The following GATA3 variants were observed in gnomAD, a reference collection of about 807,000 sequenced individuals.
GATA3 encodes the protein GATA binding protein 3.
A neutral mutation model predicts 36.0 loss-of-function variants in GATA3; 6 were observed. The ratio of observed to expected loss-of-function variants is 0.17; its 90% confidence interval spans 0.09 to 0.33. The LOEUF (loss-of-function observed/expected upper bound fraction) is 0.33. GATA3 is among the 10% of genes least tolerant of loss of function. The pLI is 1.00. For synonymous variants in GATA3, 326 were observed against 273.0 expected, an observed-to-expected ratio of 1.19 and a Z score of -1.92; for missense variants, 514 against 610.1, an observed-to-expected ratio of 0.84 and a Z score of 1.66.
At chr10:8,057,899 G>C (rs1832667432) in intron 2 of GATA3, among the ~76,000 whole-genome samples, 1 of 152,146 alleles carries the variant, frequency 6.6e-6, no homozygotes, top group Non-Finnish European at 1.5e-5. Context: ...TCCGAGTCAG[G>C]GAACTCAGGG....
intron 3 of GATA3, among the ~76,000 whole-genome samples, chr10:8,062,377 T>A (rs3824661): frequency 0.57 from 83,139 of 145,580 alleles, 23,617 homozygotes; most frequent in South Asian, 0.68. Flanking sequence ...TTTTTTTTTT[T>A]AAAAAACAAA....
chr10:8,048,069 C>T (rs1832414141), intron 1 of GATA3, among the ~76,000 whole-genome samples: 1 of 152,172 alleles, frequency 6.6e-6, no homozygotes, highest in Non-Finnish European at 1.5e-5. Context: ...CCAGAGTGTC[C>T]CGCTACAATC....
upstream of GATA3, among the ~76,000 whole-genome samples, chr10:8,050,298 C>T (rs1832450936): frequency 6.6e-6 from 1 of 152,234 alleles, no homozygotes; most frequent in South Asian, 2.1e-4. Context: ...CAATTAAAGG[C>T]CCCGCCGGGC....
At chr10:8,050,933 C>A (rs1223194804), upstream of GATA3, 1 of 469,592 alleles carries the variant, frequency 2.1e-6, no homozygotes, top group Admixed American at 2.4e-5. Flanking sequence ...CGCCCGGGGC[C>A]GCTTCTCCCG....
intron 5 of GATA3, among the ~76,000 whole-genome samples, chr10:8,069,854 C>T (rs551605326): frequency 1.7e-4 from 26 of 151,952 alleles, no homozygotes; most frequent in Middle Eastern, 3.4e-3. Flanking sequence ...TGCAGCAATC[C>T]GATGTGCTGA....
At chr10:8,063,495 G>T (rs116543278) in intron 3 of GATA3, among the ~76,000 whole-genome samples, 32 of 152,280 alleles carry the variant, frequency 2.1e-4, no homozygotes, top group African/African-American at 7.2e-4. Flanking sequence ...TCTAGCCATT[G>T]ATGAATCCTT....
chr10:8,056,040 C>A, intron 2 of GATA3, 144 bp downstream of exon 2: 4 of 1,158,012 alleles, frequency 3.5e-6, no homozygotes, highest in Non-Finnish European at 4.9e-6. Flanking sequence ...AAAATTGGGG[C>A]CCGGAAATGG....
Position 8,073,860 on chromosome 10 carries a change from C to T in GATA3, c.1172C>T (p.Ser391Leu), listed in dbSNP as rs1414155299. The T allele has an allele frequency of 4.3e-6, 7 of 1,614,156 alleles. No homozygotes were observed. Among genetic ancestry groups the T allele is most frequent in the Admixed American group, 1.7e-5 (1 of 60,016 alleles). ...CTGGAGGACTTCCCCAAGAACAGCTCGTTTAACCCGGCCGCCCTCTCCAGA... is the reference window on the plus strand; with the variant it reads ...CTGGAGGACTTCCCCAAGAACAGCTTGTTTAACCCGGCCGCCCTCTCCAGA... ...DSLEDFPKNS[S>L]FNPAALSRHM... Residue 391 changes from serine (S) to leucine (L), a missense_variant, in exon 6 of 6, where the codon TCG becomes TTG. Coordinates refer to ENST00000379328, the MANE Select transcript of GATA3 (RefSeq NM_001002295.2).
chr10:8,058,610 T>C lies in GATA3; in HGVS notation c.547T>C (p.Cys183Arg). 6.2e-7 allele frequency: 1 copy of C among 1,605,886 alleles called. No homozygotes were observed. Among genetic ancestry groups the C allele is most frequent in the Non-Finnish European group, 8.5e-7 (1 of 1,178,904 alleles). Residue 183 changes from cysteine to arginine, a missense_variant, in exon 3 of 6, where the codon TGC becomes CGC. Physicochemically the swap from Cys to Arg is radical, Grantham distance 180. This residue lies in a region of GATA3 where 381 missense variants were observed against 354.3 expected (regional missense o/e 1.08). Transcript: ENST00000379328. ...AGSARQDEKE[C>R]LKYQVPLPDS... ...CTCGGCCCGGCAGGACGAGAAAGAG[T>C]GCCTCAAGTACCAGGTGCCCCTGCC...
chr10:8,055,619 C>G lies in GATA3; in HGVS notation c.-37C>G. 6.5e-7 allele frequency: 1 copy of G among 1,540,562 alleles called. No individual in the cohort carries two copies. On this transcript the variant is annotated 5_prime_UTR_variant, in exon 2 of 6. Transcript: ENST00000379328. The surrounding 1 kb of genome is among the most constrained non-coding windows in gnomAD (Gnocchi z 5.4). ...CGCCCTCCCTCCCCGCGCGCGGGTT[C>G]CGGGCCCGGCGAGAGGGCGCGAGCA...
At chr10:8,046,813 TA>T (rs1239229576) in intron 1 of GATA3, among the ~76,000 whole-genome samples, 1 of 151,954 alleles carries the variant, frequency 6.6e-6, no homozygotes, top group Non-Finnish European at 1.5e-5. Flanking sequence ...TCGGGTCGCA[TA>T]GGGGGTCTGA....
chr10:8,055,842 T>A lies in GATA3; in HGVS notation c.187T>A (p.Tyr63Asn). Residue 63 changes from tyrosine (Y) to asparagine (N), a missense_variant, in exon 2 of 6, where the codon TAC becomes AAC. Tyr to Asn is a moderately radical substitution (Grantham distance 143, BLOSUM62 -2). This residue lies in a region of GATA3 where 381 missense variants were observed against 354.3 expected (regional missense o/e 1.08). Transcript: ENST00000379328. The surrounding 1 kb of genome is among the most constrained non-coding windows in gnomAD (Gnocchi z 5.4). ...CGGTCAAGGCAACCACGTCCCGCCC[T>A]ACTACGGAAACTCGGTCAGGGCCAC... The part of the protein sequence containing the change: ...IDGQGNHVPP[Y>N]YGNSVRATVQ... 1 of 1,583,394 alleles carries A rather than the reference T, an allele frequency of 6.3e-7. No individual in the cohort carries two copies. Among genetic ancestry groups the A allele is most frequent in the Non-Finnish European group, 8.6e-7 (1 of 1,164,562 alleles).
At chr10:8,062,876 A>C (rs968986481) in intron 3 of GATA3, among the ~76,000 whole-genome samples, 1 of 152,112 alleles carries the variant, frequency 6.6e-6, no homozygotes, top group Non-Finnish European at 1.5e-5. Context: ...TGGGTCCCCC[A>C]AAACCAAGGA....
chr10:8,055,623 G>T lies in GATA3; in HGVS notation c.-33G>T, dbSNP rs1832617580. On this transcript the variant is annotated 5_prime_UTR_variant, in exon 2 of 6. Coordinates refer to ENST00000379328, the MANE Select transcript of GATA3 (RefSeq NM_001002295.2). The surrounding 1 kb of genome is among the most constrained non-coding windows in gnomAD (Gnocchi z 5.4). ...CTCCCTCCCCGCGCGCGGGTTCCGG[G>T]CCCGGCGAGAGGGCGCGAGCACAGC... is the stretch of plus-strand genomic sequence containing the variant. 2 of 1,542,088 alleles carry T rather than the reference G, an allele frequency of 1.3e-6. No homozygotes were observed. Among genetic ancestry groups the T allele is most frequent in the South Asian group, 2.4e-5 (2 of 83,928 alleles).
intron 5 of GATA3, 150 bp from the exon 6 acceptor site, chr10:8,073,589 G>A: frequency 1.3e-6 from 1 of 790,850 alleles, no homozygotes; most frequent in Non-Finnish European, 2.0e-6. Context: ...GGAGACAGGA[G>A]AAGGTGGGAG....
intron 4 of GATA3, among the ~76,000 whole-genome samples, chr10:8,065,552 C>T (rs980201553): frequency 6.6e-6 from 1 of 151,880 alleles, no homozygotes; most frequent in African/African-American, 2.4e-5. Flanking sequence ...CCACCGCTCC[C>T]AGCCAAAGAA....
chr10:8,047,173 T>G (rs4143094), intron 1 of GATA3, among the ~76,000 whole-genome samples: 107,437 of 152,086 alleles, frequency 0.71, 38,826 homozygotes, highest in East Asian at 0.94. Context: ...GGGGTTTTCT[T>G]TTGGGTTGTC....
At chr10:8,062,472 A>G (rs192132846) in intron 3 of GATA3, among the ~76,000 whole-genome samples, 53 of 152,048 alleles carry the variant, frequency 3.5e-4, no homozygotes, top group African/African-American at 9.2e-4. Context: ...ACTTTCCTGA[A>G]GAACTTACCC....
chr10:8,046,917 C>A (rs1029097970), intron 1 of GATA3, among the ~76,000 whole-genome samples: 1 of 152,084 alleles, frequency 6.6e-6, no homozygotes, highest in Non-Finnish European at 1.5e-5. Flanking sequence ...GCCCAAGAAG[C>A]CGCAGGGCTT....
Sources: gnomAD v4.1 joint callset for allele counts (sites outside exome capture counted in the v4.1 genomes callset) on GRCh38, gnomAD v4.1.1 for gene constraint, gnomAD v4.1.1 regional missense constraint, Gnocchi (gnomAD v3.1) non-coding constraint, MANE v1.5 for transcripts, NCBI Gene and HGNC (gene_info 2026-07-23, HGNC 2026-07-21) for gene names.